The following NBEAL2 variants were observed in gnomAD, a reference collection of about 807,000 sequenced individuals.
NBEAL2 encodes the protein neurobeachin like 2.
NBEAL2 carries 160 observed loss-of-function variants against 299.8 expected under a neutral mutation model. That is an observed-to-expected ratio of 0.53 (90% CI 0.47 to 0.61). The LOEUF is 0.61. NBEAL2 is among the 20% of genes least tolerant of loss of function. The pLI, the probability that NBEAL2 is intolerant of heterozygous loss-of-function variation, is 0.00. For missense variants in NBEAL2, 3,112 were observed against 3,649.0 expected, an observed-to-expected ratio of 0.85 and a Z score of 3.79; for synonymous variants, 1,493 against 1,542.3, an observed-to-expected ratio of 0.97 and a Z score of 0.75.
chr3:46,987,940 C>T (rs2035788018), intron 1 of NBEAL2: 12 of 1,231,448 alleles, frequency 9.7e-6, no homozygotes, highest in Non-Finnish European at 5.3e-6. Context: ...CCCACCGTGA[C>T]TCTGCGCTTC....
Position 47,004,866 on chromosome 3 carries a change from C to T in NBEAL2, c.6295-106C>T. ...ACCCCTCTAAGTGGTGCTCCCCCAACCTGTGGGCAGGCTCTGTGCCCGCCT... is the reference window on the plus strand; with the variant it reads ...ACCCCTCTAAGTGGTGCTCCCCCAATCTGTGGGCAGGCTCTGTGCCCGCCT... On this transcript the variant is annotated intron_variant, in intron 38 of 53. Transcript: ENST00000450053. This position sits in a 1 kb window ranked among gnomAD's most constrained non-coding sequence, Gnocchi z 5.0. 6.7e-7 allele frequency: 1 copy of T among 1,499,972 alleles called. No individual in the cohort carries two copies. The highest frequency in any genetic ancestry group is 9.0e-7 in the Non-Finnish European group (1 of 1,113,834). The allele number at this position is 1,499,972 out of a possible 1,614,324, so 92.9% of individuals were successfully genotyped here.
chr3:47,008,552 T>C lies in NBEAL2; in HGVS notation c.7911T>C (p.Asn2637=). 2 of 1,613,752 alleles carry C rather than the reference T, an allele frequency of 1.2e-6. No individual in the cohort carries two copies. Among genetic ancestry groups the C allele is most frequent in the Non-Finnish European group, 8.5e-7 (1 of 1,179,866 alleles). Reference sequence around the variant, plus strand: ...ACTCCTTGCACCTGTATTCAGTCAATGGGAAGTTGCGGGCTTCACTGCCCC... The same window carrying C: ...ACTCCTTGCACCTGTATTCAGTCAACGGGAAGTTGCGGGCTTCACTGCCCC... ...VTYSLHLYSV[N]GKLRASLPLA... is the part of the protein sequence containing the mutation. Residue 2637 remains asparagine (N), a synonymous_variant, in exon 52 of 54, where the codon AAT becomes AAC. Transcript: ENST00000450053.
In NBEAL2 at chr3:47,005,518, C is replaced by T. The variant is rs1481115371; in HGVS notation, c.6590C>T (p.Ser2197Leu). 6.8e-6 allele frequency: 11 copies of T among 1,611,194 alleles called. No homozygotes were observed. The highest frequency in any genetic ancestry group is 9.3e-6 in the Non-Finnish European group (11 of 1,179,102). ...RFDCSDRQFH[S>L]VAAAWQARLE... ...GACTGCTCCGACCGGCAGTTCCACT[C>T]GGTGGCGGCAGCCTGGCAGGCACGC... is the stretch of plus-strand genomic sequence containing the variant. The change falls in exon 41 of 54, where the codon TCG becomes TTG. Residue 2197 changes from serine to leucine, a missense_variant. Ser to Leu is a moderately radical substitution (Grantham distance 145). Coordinates refer to ENST00000450053, the MANE Select transcript of NBEAL2 (RefSeq NM_015175.3).
rs753555439 is a variant in NBEAL2 at position 47,005,727 on chromosome 3, C to T, written c.6692-11C>T. ...GGACAGGGAGACAGCTGACCCAGTC[C>T]TCTGTGCCAGGTTTTGACCTGGGCT... is the stretch of plus-strand genomic sequence containing the variant. On this transcript the variant is annotated splice_polypyrimidine_tract_variant and intron_variant, in intron 41 of 53. Coordinates refer to ENST00000450053, the MANE Select transcript of NBEAL2 (RefSeq NM_015175.3). 1.9e-6 allele frequency: 3 copies of T among 1,613,128 alleles called. No homozygotes were observed. The highest frequency in any genetic ancestry group is 2.5e-6 in the Non-Finnish European group (3 of 1,179,682).
chr3:47,008,590 C>A lies in NBEAL2; in HGVS notation c.7949C>A (p.Pro2650His). The A allele has an allele frequency of 6.2e-7, 1 of 1,613,674 alleles. No individual in the cohort carries two copies. The highest frequency in any genetic ancestry group is 8.5e-7 in the Non-Finnish European group (1 of 1,179,876). Residue 2650 changes from proline (P) to histidine (H), a missense_variant, in exon 52 of 54, where the codon CCT becomes CAT. Physicochemically the swap from Pro to His is moderately conservative, Grantham distance 77 (BLOSUM62 -2). Around this residue, in one of 3 missense-constraint regions of NBEAL2, gnomAD observed 348 missense variants for 381.4 expected, o/e 0.91. Coordinates refer to ENST00000450053, the MANE Select transcript of NBEAL2 (RefSeq NM_015175.3). ...LRASLPLAEQ[P>H]TALTVTEDFV... ...GCTTCACTGCCCCTGGCAGAGCAGCCTACAGCCCTGACGGTGACAGAGGAC... is the reference window on the plus strand; with the variant it reads ...GCTTCACTGCCCCTGGCAGAGCAGCATACAGCCCTGACGGTGACAGAGGAC...
chr3:46,983,689 T>C (rs1387513052), intron 1 of NBEAL2, among the ~76,000 whole-genome samples: 6 of 152,126 alleles, frequency 3.9e-5, no homozygotes, highest in Non-Finnish European at 5.9e-5. Flanking sequence ...CTTTGGTGCT[T>C]GGTCCCCTGC....
rs995133133 is a variant in NBEAL2, at chr3:46,997,666, C to T, written c.2930C>T (p.Pro977Leu). The change falls in exon 20 of 54, where the codon CCT becomes CTT. Residue 977 changes from proline (P) to leucine (L), a missense_variant. Pro to Leu is a moderately conservative substitution (Grantham distance 98, BLOSUM62 -3). Transcript: ENST00000450053. The part of the protein sequence containing the change: ...NQESLVQCQG[P>L]AIIGALLRKV... ...GAGAGCCTGGTGCAGTGCCAGGGGC[C>T]TGCCATCATCGGGGCCCTCCTGCGA... is the stretch of plus-strand genomic sequence containing the variant. The T allele has an allele frequency of 6.4e-7, 1 of 1,560,616 alleles. No homozygotes were observed. The highest frequency in any genetic ancestry group is 1.9e-5 in the Admixed American group (1 of 53,602).
At position 46,988,774 on chromosome 3, in the gene NBEAL2, A is replaced by G. The variant is rs774939839; in HGVS notation, c.140+17A>G. The G allele has an allele frequency of 3.1e-6, 5 of 1,611,340 alleles. No individual in the cohort carries two copies. The Admixed American group carries it at 5.0e-5, about 16-fold the overall frequency. ...GCCACGAAGGTGAGGCTGGATCTGC[A>G]CTGAGGGCAGGGACAGAGCAGGGAG... On this transcript the variant is annotated intron_variant, in intron 2 of 53. Transcript: ENST00000450053. This position sits in a 1 kb window ranked among gnomAD's most constrained non-coding sequence, Gnocchi z 4.4.
In NBEAL2 at chr3:47,005,777, T is replaced by C; in HGVS notation, c.6731T>C (p.Val2244Ala). 1 of 1,612,314 alleles carries C rather than the reference T, an allele frequency of 6.2e-7. No individual in the cohort carries two copies. The highest frequency in any genetic ancestry group is 2.2e-5 in the East Asian group (1 of 44,812). ...TGTCTCCAGCTGACCAACGAGAAGGTAGGCGATGTGGTGCTACCCCCGTGG... is the reference window on the plus strand; with the variant it reads ...TGTCTCCAGCTGACCAACGAGAAGGCAGGCGATGTGGTGCTACCCCCGTGG... ...LGCLQLTNEKVGDVVLPPWAS... is the reference protein window; with the variant it reads ...LGCLQLTNEKAGDVVLPPWAS... Residue 2244 changes from valine to alanine, a missense_variant, in exon 42 of 54, where the codon GTA becomes GCA. By Grantham distance (64) the Val-to-Ala change is moderately conservative. Around this residue, in one of 3 missense-constraint regions of NBEAL2, gnomAD observed 521 missense variants for 729.6 expected, o/e 0.71. Coordinates refer to ENST00000450053, the MANE Select transcript of NBEAL2 (RefSeq NM_015175.3).
In NBEAL2 at chr3:47,003,149, G is replaced by A. The variant is rs766077367; in HGVS notation, c.5585-25G>A. On this transcript the variant is annotated intron_variant, in intron 34 of 53. Transcript: ENST00000450053. The surrounding 1 kb of genome is among the most constrained non-coding windows in gnomAD (Gnocchi z 7.0). The stretch of plus-strand genomic sequence containing the variant: ...CCGTCTCCTGTCCTGCCTTGCTTCT[G>A]CTGAGTACCCTTGGCCCCTTGCAGG... 6.2e-7 allele frequency: 1 copy of A among 1,607,298 alleles called. No homozygotes were observed. Among genetic ancestry groups the A allele is most frequent in the South Asian group, 1.1e-5 (1 of 90,772 alleles).
At chr3:46,998,626 G>A in intron 22 of NBEAL2, 61 bp downstream of exon 22, 14 of 1,572,696 alleles carry the variant, frequency 8.9e-6, no homozygotes, top group Non-Finnish European at 1.2e-5. Flanking sequence ...CGGCCTTGGG[G>A]ACTGGGCGGT....
At chr3:46,987,249 C>T (rs995012310) in intron 1 of NBEAL2, among the ~76,000 whole-genome samples, 1 of 152,184 alleles carries the variant, frequency 6.6e-6, no homozygotes, top group African/African-American at 2.4e-5. Flanking sequence ...AAAGATAGTT[C>T]TGGAGGTCCT....
chr3:47,009,561 G>A lies in NBEAL2; in HGVS notation c.*241G>A. ...AGCACTGGCGTCTGCGGCCGCAGCA[G>A]CACTTTTTGCACAGTCTGGGGCGGG... On this transcript the variant is annotated 3_prime_UTR_variant, in exon 54 of 54. Coordinates refer to ENST00000450053, the MANE Select transcript of NBEAL2 (RefSeq NM_015175.3). The A allele has an allele frequency of 1.8e-6, 1 of 551,334 alleles. No individual in the cohort carries two copies. Among genetic ancestry groups the A allele is most frequent in the East Asian group, 3.2e-5 (1 of 31,462 alleles). The allele number at this position is 551,334 out of a possible 1,614,324, so 34.2% of individuals were successfully genotyped here.
Position 46,989,027 on chromosome 3 carries a change from G to T in NBEAL2, c.269+57G>T. 1 of 1,611,634 alleles carries T rather than the reference G, an allele frequency of 6.2e-7. No homozygotes were observed. Among genetic ancestry groups the T allele is most frequent in the Non-Finnish European group, 8.5e-7 (1 of 1,178,798 alleles). On this transcript the variant is annotated intron_variant, in intron 3 of 53. Coordinates refer to ENST00000450053, the MANE Select transcript of NBEAL2 (RefSeq NM_015175.3). The surrounding 1 kb of genome is among the most constrained non-coding windows in gnomAD (Gnocchi z 5.5). ...CCTAGAACTGTGGGCCAGAGGGAGA[G>T]GGGACAAGGAGGGGCATGGTGTATT...
chr3:46,991,363 G>C lies in NBEAL2; in HGVS notation c.643-43G>C, dbSNP rs1472443822. On this transcript the variant is annotated intron_variant, in intron 7 of 53. Transcript: ENST00000450053. The surrounding 1 kb of genome is among the most constrained non-coding windows in gnomAD (Gnocchi z 6.2). Reference sequence around the variant, plus strand: ...CAGCTCTTTCAGTATCTCTCTGCTGGGTGAGCCCCTTGCCCACTGCCCATC... The same window carrying C: ...CAGCTCTTTCAGTATCTCTCTGCTGCGTGAGCCCCTTGCCCACTGCCCATC... 6.3e-7 allele frequency: 1 copy of C among 1,584,326 alleles called. No homozygotes were observed. The highest frequency in any genetic ancestry group is 8.6e-7 in the Non-Finnish European group (1 of 1,164,802).
Position 46,996,066 on chromosome 3 carries a change from G to T in NBEAL2, c.2151+15G>T. 1 of 1,591,886 alleles carries T rather than the reference G, an allele frequency of 6.3e-7. No individual in the cohort carries two copies. The highest frequency in any genetic ancestry group is 8.6e-7 in the Non-Finnish European group (1 of 1,169,258). ...CCCTCAGTGAGGTGTGCCAAGCAAG[G>T]TTTGGGGAGGCCTTGGGTAGATGGG... On this transcript the variant is annotated intron_variant, in intron 15 of 53. Transcript: ENST00000450053.
At chr3:46,993,537 AC>A (rs572253019) in intron 10 of NBEAL2, among the ~76,000 whole-genome samples, 49 of 152,098 alleles carry the variant, frequency 3.2e-4, no homozygotes, top group African/African-American at 1.2e-3. Flanking sequence ...TAAATCTCTG[AC>A]CCCTGTCAAT....
chr3:46,999,442 G>T lies in NBEAL2; in HGVS notation c.3671G>T (p.Cys1224Phe), dbSNP rs758481585. The change falls in exon 25 of 54, where the codon TGC (cysteine) becomes TTC (phenylalanine). Residue 1224 changes from cysteine (C) to phenylalanine (F), a missense_variant. Physicochemically the swap from Cys to Phe is radical, Grantham distance 205. Coordinates refer to ENST00000450053, the MANE Select transcript of NBEAL2 (RefSeq NM_015175.3). ...LPEGTVSPQL[C>F]QGLYKLFLGA... ...GAGGGGACTGTTTCCCCCCAGCTCT[G>T]CCAGGGCCTCTACAAGCTGTTCCTG... 6.3e-7 allele frequency: 1 copy of T among 1,584,092 alleles called. No individual in the cohort carries two copies. Among genetic ancestry groups the T allele is most frequent in the Non-Finnish European group, 8.6e-7 (1 of 1,165,430 alleles).
chr3:46,988,890 G>C lies in NBEAL2; in HGVS notation c.189G>C (p.Leu63=), dbSNP rs769662839. The change falls in exon 3 of 54, where the codon CTG becomes CTC. Residue 63 remains leucine, a synonymous_variant. Coordinates refer to ENST00000450053, the MANE Select transcript of NBEAL2 (RefSeq NM_015175.3). The surrounding 1 kb of genome is among the most constrained non-coding windows in gnomAD (Gnocchi z 4.4). ...AEVPLLPLDE[L]HVLAEQLHQA... Reference sequence around the variant, plus strand: ...TCCCGCTGCTACCACTGGATGAGCTGCATGTGCTGGCCGAACAGCTGCACC... The same window carrying C: ...TCCCGCTGCTACCACTGGATGAGCTCCATGTGCTGGCCGAACAGCTGCACC... The C allele has an allele frequency of 1.2e-6, 2 of 1,612,538 alleles. No individual in the cohort carries two copies. Among genetic ancestry groups the C allele is most frequent in the South Asian group, 2.2e-5 (2 of 91,008 alleles).
Sources: gnomAD v4.1 joint callset for allele counts (sites outside exome capture counted in the v4.1 genomes callset) on GRCh38, gnomAD v4.1.1 for gene constraint, gnomAD v4.1.1 regional missense constraint, Gnocchi (gnomAD v3.1) non-coding constraint, MANE v1.5 for transcripts, NCBI Gene and HGNC (gene_info 2026-07-23, HGNC 2026-07-21) for gene names.